Variants in CATSPERG observed in about 807,000 individuals in gnomAD.
CATSPERG encodes the protein catsper channel auxiliary subunit gamma.
In CATSPERG, 115 loss-of-function variants were observed where a neutral mutation model predicts 145.0. The observed-to-expected ratio is 0.79, with a 90% CI of 0.68 to 0.93. The LOEUF (loss-of-function observed/expected upper bound fraction) is 0.93. Ranked by LOEUF, CATSPERG falls within the 40% of genes least tolerant of loss-of-function variation. The pLI is 0.00. For synonymous variants in CATSPERG, 588 were observed against 589.0 expected (o/e 1.00, Z 0.02); for missense variants, 1,296 against 1,490.1 (o/e 0.87, Z 2.14).
intron 4 of CATSPERG, 43 bp from the exon 5 acceptor site, chr19:38,343,950 T>G (rs550085773): frequency 6.5e-7 from 1 of 1,544,620 alleles, no homozygotes; most frequent in East Asian, 2.4e-5. Context: ...GAACCGGCCA[T>G]TGGGAGGCCC....
chr19:38,354,901 C>T (rs563142548), intron 9 of CATSPERG, 54 bp downstream of exon 9: 2 of 1,575,360 alleles, frequency 1.3e-6, no homozygotes, highest in East Asian at 4.5e-5. Flanking sequence ...CCTCTCTCAC[C>T]TCCGAGAATT....
At chr19:38,368,741 C>A (rs1389019810) in intron 26 of CATSPERG, among the ~76,000 whole-genome samples, 1 of 152,220 alleles carries the variant, frequency 6.6e-6, no homozygotes, top group African/African-American at 2.4e-5. Flanking sequence ...CAGCTCACTG[C>A]AGCCTCTGCC....
chr19:38,347,308 G>T (rs1245493790), intron 7 of CATSPERG, among the ~76,000 whole-genome samples: 1 of 152,140 alleles, frequency 6.6e-6, no homozygotes, highest in African/African-American at 2.4e-5. Context: ...AAGCCGGGAG[G>T]CGGAGCTTGC....
intron 7 of CATSPERG, among the ~76,000 whole-genome samples, chr19:38,351,337 G>A (rs527510503): frequency 6.6e-6 from 1 of 152,228 alleles, no homozygotes; most frequent in East Asian, 1.9e-4. Flanking sequence ...GGCCGGGTGC[G>A]GTGGCTTACG....
At position 38,370,811 on chromosome 19, in the gene CATSPERG, C is replaced by A; in HGVS notation, c.*19C>A. 4.4e-6 allele frequency: 7 copies of A among 1,608,446 alleles called. No individual in the cohort carries two copies. Among genetic ancestry groups the A allele is most frequent in the Non-Finnish European group, 6.0e-6 (7 of 1,175,840 alleles). ...GACCTGAGTGTCCCACCTGCCCCAG[C>A]CCCCAGTTACTGTCACGCCTCTCTT... is the stretch of plus-strand genomic sequence containing the variant. On this transcript the variant is annotated 3_prime_UTR_variant, in exon 29 of 29. Transcript: ENST00000409235.
chr19:38,361,539 G>A, intron 16 of CATSPERG, 109 bp from the exon 17 acceptor site: 1 of 859,528 alleles, frequency 1.2e-6, no homozygotes, highest in Admixed American at 2.5e-5. Context: ...AGGAAGATTC[G>A]GGCTGGATTC....
Position 38,362,584 on chromosome 19 carries a change from G to C in CATSPERG, c.2356+10G>C, listed in dbSNP as rs1363595842. 1 of 1,613,510 alleles carries C rather than the reference G, an allele frequency of 6.2e-7. No homozygotes were observed. Among genetic ancestry groups the C allele is most frequent in the Non-Finnish European group, 8.5e-7 (1 of 1,179,806 alleles). Reference sequence around the variant, plus strand: ...ACGCAGTCAGAACTCGGTCTGCGCGGGACCAGAGTGGAGCCCGAAGGGCGG... The same window carrying C: ...ACGCAGTCAGAACTCGGTCTGCGCGCGACCAGAGTGGAGCCCGAAGGGCGG... On this transcript the variant is annotated intron_variant, in intron 19 of 28. Transcript: ENST00000409235.
rs371624020 is a variant in CATSPERG, at chr19:38,367,359, C to A, written c.2770+47C>A. ...CTGCACAGTTCACTGCCCTCTTGCC[C>A]CCACTACTTTGTGCTCTCCCTCCCC... On this transcript the variant is annotated intron_variant, in intron 23 of 28. Transcript: ENST00000409235. 6.3e-6 allele frequency: 10 copies of A among 1,591,088 alleles called. No homozygotes were observed. In the East Asian group the frequency reaches 2.2e-4, roughly 36 times the overall value.
rs368591264 is a variant in CATSPERG at position 38,347,856 on chromosome 19, G to C, written c.825+1251G>C. Among the ~76,000 whole-genome samples the C allele has an allele frequency of 4.4e-4, 66 of 151,618 alleles. 1 individual carries two copies. Among genetic ancestry groups the C allele is most frequent in the African/African-American group, 1.5e-3 (62 of 41,286 alleles). Reference sequence around the variant, plus strand: ...CTCTGGAGGCTGAGGCTGGAGAATCGCTTGAACCTGGGAGGCGGAAGTTGC... The same window carrying C: ...CTCTGGAGGCTGAGGCTGGAGAATCCCTTGAACCTGGGAGGCGGAAGTTGC... On this transcript the variant is annotated intron_variant, in intron 7 of 28. Transcript: ENST00000409235.
At chr19:38,362,089 G>A (rs1218959602) in intron 17 of CATSPERG, 121 bp from the exon 18 acceptor site, 1 of 1,142,852 alleles carries the variant, frequency 8.8e-7, no homozygotes, top group Non-Finnish European at 1.3e-6. Context: ...GCTGGGGTGT[G>A]TATCTTCTGC....
chr19:38,360,583 CCT>C lies in CATSPERG; in HGVS notation c.1710_1711del (p.Tyr571ArgfsTer4), dbSNP rs1198406115. On this transcript the variant is annotated frameshift_variant, in exon 15 of 29. Transcript: ENST00000409235. LOFTEE classifies it high-confidence loss of function. ...ATCAGCTTAAAGCTGATGCAACAGTCCTCTCTCTACGCATCCAATGAGACCAT... is the reference window on the plus strand; with the variant it reads ...ATCAGCTTAAAGCTGATGCAACAGTCCTCTCTACGCATCCAATGAGACCAT... 3 of 1,614,204 alleles carry C rather than the reference CCT, an allele frequency of 1.9e-6. No homozygotes were observed. The highest frequency in any genetic ancestry group is 1.1e-5 in the South Asian group (1 of 91,088).
intron 3 of CATSPERG, among the ~76,000 whole-genome samples, chr19:38,341,643 T>C (rs1053293293): frequency 6.6e-6 from 1 of 152,202 alleles, no homozygotes; most frequent in Non-Finnish European, 1.5e-5. Context: ...GGCTCATGCC[T>C]GTAATCCCAG....
At chr19:38,338,685 C>T (rs936816165) in intron 3 of CATSPERG, among the ~76,000 whole-genome samples, 2 of 152,046 alleles carry the variant, frequency 1.3e-5, no homozygotes, top group African/African-American at 4.8e-5. Context: ...CACACCAGCA[C>T]GGGAGGATCA....
At chr19:38,355,047 T>C (rs1970218782) in intron 9 of CATSPERG, among the ~76,000 whole-genome samples, 200 bp downstream of exon 9, 1 of 152,092 alleles carries the variant, frequency 6.6e-6, no homozygotes, top group African/African-American at 2.4e-5. Flanking sequence ...ATGTACTTGG[T>C]TTTAAAGGGC....
chr19:38,353,459 CA>C (rs1191502243), intron 8 of CATSPERG, among the ~76,000 whole-genome samples: 10 of 152,202 alleles, frequency 6.6e-5, no homozygotes, highest in Middle Eastern at 3.4e-3. Flanking sequence ...GAGGCTGAGG[CA>C]GGTAGATCAC....
intron 20 of CATSPERG, among the ~76,000 whole-genome samples, chr19:38,364,334 C>G (rs377378174): frequency 6.6e-6 from 1 of 152,022 alleles, no homozygotes; most frequent in African/African-American, 2.4e-5. Flanking sequence ...GGGTCGCGAC[C>G]GGACAGAGGC....
intron 13 of CATSPERG, among the ~76,000 whole-genome samples, chr19:38,359,051 T>C (rs60487067): frequency 0.2 from 29,920 of 151,912 alleles, 3,180 homozygotes; most frequent in Admixed American, 0.3. Context: ...GGTTTCACCA[T>C]GTTGGGCAGG....
chr19:38,360,034 G>C (rs1970316680), intron 14 of CATSPERG: 2 of 985,330 alleles, frequency 2.0e-6, no homozygotes, highest in African/African-American at 1.7e-5. Flanking sequence ...GGATCCCCCA[G>C]GTTGTGGCTC....
At chr19:38,342,406 G>C (rs936488562) in intron 3 of CATSPERG, among the ~76,000 whole-genome samples, 1 of 151,632 alleles carries the variant, frequency 6.6e-6, no homozygotes, top group African/African-American at 2.4e-5. Context: ...TTGAGACCAG[G>C]CTGGCCAACG....
Sources: gnomAD v4.1 joint callset for allele counts (sites outside exome capture counted in the v4.1 genomes callset) on GRCh38, gnomAD v4.1.1 for gene constraint, MANE v1.5 for transcripts, NCBI Gene and HGNC (gene_info 2026-07-23, HGNC 2026-07-21) for gene names.